DNAJC13: variants seen among roughly 807,000 people sequenced by gnomAD.
The protein encoded by DNAJC13 is dnaJ homolog subfamily C member 13.
In DNAJC13, 75 loss-of-function variants were observed where a neutral mutation model predicts 290.5. The observed-to-expected ratio is 0.26, with a 90% CI of 0.21 to 0.31. The LOEUF is 0.31. Ranked by LOEUF, DNAJC13 falls within the 10% of genes least tolerant of loss-of-function variation. The probability of loss-of-function intolerance (pLI) is 1.00; values close to 1 mark genes in which losing one functional copy is unlikely to be tolerated. For missense variants in DNAJC13, 2,260 were observed against 2,674.5 expected, an observed-to-expected ratio of 0.85 and a Z score of 3.42; for synonymous variants, 862 against 892.0, an observed-to-expected ratio of 0.97 and a Z score of 0.60.
rs1253760620 is a variant in DNAJC13, at chr3:132,538,051, G to A, written c.6626-125G>A. On this transcript the variant is annotated intron_variant, in intron 55 of 55. Coordinates refer to ENST00000260818, the MANE Select transcript of DNAJC13 (RefSeq NM_015268.4). The stretch of plus-strand genomic sequence containing the variant: ...TTATTAAGGTATAGATGTAATTTAG[G>A]TAATTGAAATAGATGATTAGTTTTG... The A allele has an allele frequency of 4.6e-5, 30 of 658,736 alleles. No homozygotes were observed. In the East Asian group the frequency reaches 6.8e-4, roughly 15 times the overall value. The allele number at this position is 658,736 out of a possible 1,614,324, so 40.8% of individuals were successfully genotyped here.
At chr3:132,538,134 G>T (rs1434630043) in intron 55 of DNAJC13, 42 bp from the exon 56 acceptor site, 1 of 1,542,938 alleles carries the variant, frequency 6.5e-7, no homozygotes, top group Non-Finnish European at 8.9e-7. Flanking sequence ...GTTTTCACTT[G>T]ACTGCTTTCT....
intron 34 of DNAJC13, 61 bp downstream of exon 34, chr3:132,494,320 A>G: frequency 8.3e-7 from 1 of 1,208,336 alleles, no homozygotes; most frequent in Non-Finnish European, 1.2e-6. Flanking sequence ...AGTATCAAAG[A>G]CTAAGTTATA....
chr3:132,469,150 C>T (rs1934099917), intron 20 of DNAJC13, among the ~76,000 whole-genome samples: 1 of 152,190 alleles, frequency 6.6e-6, no homozygotes, highest in Non-Finnish European at 1.5e-5. Context: ...AATGGCTTAT[C>T]CCCTTTCTGC....
At chr3:132,459,615 A>G (rs1161346130) in intron 13 of DNAJC13, among the ~76,000 whole-genome samples, 1 of 152,192 alleles carries the variant, frequency 6.6e-6, no homozygotes, top group Non-Finnish European at 1.5e-5. Flanking sequence ...AAAAGTAAGA[A>G]ACAATGCTAT....
chr3:132,447,775 A>T (rs1933299275), intron 4 of DNAJC13, 123 bp from the exon 5 acceptor site: 3 of 775,014 alleles, frequency 3.9e-6, no homozygotes, highest in Non-Finnish European at 6.5e-6. Flanking sequence ...CTATAACTTG[A>T]ATAACAGTTT....
rs144459190 is a variant in DNAJC13 at position 132,500,069 on chromosome 3, G to A, written c.4416+261G>A. 1.2e-3 allele frequency among the ~76,000 whole-genome samples: 181 copies of A among 152,286 alleles called. 1 individual carries two copies. Among genetic ancestry groups the A allele is most frequent in the African/African-American group, 4.2e-3 (174 of 41,558 alleles). Reference sequence around the variant, plus strand: ...AAGCACTTGTGATCTGTTGGCTTACGTTTTCTTTCTTAGAGAATAGTTTAT... The same window carrying A: ...AAGCACTTGTGATCTGTTGGCTTACATTTTCTTTCTTAGAGAATAGTTTAT... On this transcript the variant is annotated intron_variant, in intron 38 of 55. Coordinates refer to ENST00000260818, the MANE Select transcript of DNAJC13 (RefSeq NM_015268.4).
chr3:132,497,440 G>T (rs1935269006), intron 36 of DNAJC13, among the ~76,000 whole-genome samples: 1 of 152,142 alleles, frequency 6.6e-6, no homozygotes, highest in Admixed American at 6.5e-5. Context: ...GGACTTTCAG[G>T]ATTTGAGATA....
intron 1 of DNAJC13, among the ~76,000 whole-genome samples, chr3:132,423,018 AT>A (rs1939002002): frequency 6.6e-6 from 1 of 152,188 alleles, no homozygotes; most frequent in Admixed American, 6.5e-5. Context: ...ATCCAGAATT[AT>A]TTTAGCTGGG....
chr3:132,440,794 G>A (rs551258087), intron 2 of DNAJC13, among the ~76,000 whole-genome samples: 1 of 152,336 alleles, frequency 6.6e-6, no homozygotes, highest in Non-Finnish European at 1.5e-5. Flanking sequence ...AGCAACGCAT[G>A]ACTGTATGTA....
At chr3:132,537,980 C>G (rs561730106) in intron 55 of DNAJC13, among the ~76,000 whole-genome samples, 196 bp from the exon 56 acceptor site, 1 of 152,318 alleles carries the variant, frequency 6.6e-6, no homozygotes, top group African/African-American at 2.4e-5. Context: ...GAAATGATTT[C>G]TAGTCTATAG....
intron 5 of DNAJC13, among the ~76,000 whole-genome samples, chr3:132,449,436 G>A (rs932941231): frequency 3.9e-5 from 6 of 152,254 alleles, no homozygotes; most frequent in African/African-American, 1.2e-4. Flanking sequence ...TTTGTGCCCT[G>A]CCTTCTCCCA....
intron 20 of DNAJC13, among the ~76,000 whole-genome samples, chr3:132,467,753 C>T (rs1934050269): frequency 6.6e-6 from 1 of 152,160 alleles, no homozygotes; most frequent in Admixed American, 6.5e-5. Context: ...GCGTGAGCCA[C>T]CGCACCCGGC....
rs1935870443 is a variant in DNAJC13, at chr3:132,514,673, A to G, written c.5485+3A>G. On this transcript the variant is annotated splice_donor_region_variant and intron_variant, in intron 46 of 55. Coordinates refer to ENST00000260818, the MANE Select transcript of DNAJC13 (RefSeq NM_015268.4). The stretch of plus-strand genomic sequence containing the variant: ...TCTTCTACATTCATTGCCATCAAGT[A>G]TGTATACAGATGGAATTTTGGAAAC... The G allele has an allele frequency of 3.1e-6, 5 of 1,601,724 alleles. No individual in the cohort carries two copies. Among genetic ancestry groups the G allele is most frequent in the East Asian group, 4.5e-5 (2 of 44,626 alleles).
rs929942166 is a variant in DNAJC13, at chr3:132,457,233, G to A, written c.1350-36G>A. The A allele has an allele frequency of 6.3e-6, 9 of 1,423,526 alleles. No individual in the cohort carries two copies. The Admixed American group carries it at 1.2e-4, about 19-fold the overall frequency. The allele number at this position is 1,423,526 out of a possible 1,614,324, so 88.2% of individuals were successfully genotyped here. ...TAATATAACAATTTAAAATGTTCTGGTATTGCTAGTATATGCTTGTTTTTT... is the reference window on the plus strand; with the variant it reads ...TAATATAACAATTTAAAATGTTCTGATATTGCTAGTATATGCTTGTTTTTT... On this transcript the variant is annotated intron_variant, in intron 12 of 55. Transcript: ENST00000260818.
Position 132,507,358 on chromosome 3 carries a change from G to A in DNAJC13, c.5115+5G>A. The A allele has an allele frequency of 6.7e-7, 1 of 1,499,514 alleles. No individual in the cohort carries two copies. Among genetic ancestry groups the A allele is most frequent in the South Asian group, 1.1e-5 (1 of 87,442 alleles). 92.9% of individuals were successfully genotyped at this position (1,499,514 alleles called of 1,614,324 possible). ...GTTCCTACTTTCCAACTGGAGGTAA[G>A]CTCTCTGCTTTTAATTTTACCTGAT... is the stretch of plus-strand genomic sequence containing the variant. On this transcript the variant is annotated splice_donor_5th_base_variant and intron_variant, in intron 43 of 55. Coordinates refer to ENST00000260818, the MANE Select transcript of DNAJC13 (RefSeq NM_015268.4).
intron 38 of DNAJC13, among the ~76,000 whole-genome samples, chr3:132,500,457 T>C (rs1935373065): frequency 1.3e-5 from 2 of 152,212 alleles, no homozygotes; most frequent in African/African-American, 4.8e-5. Context: ...ATATGAGTCT[T>C]TCAGGCTTCA....
chr3:132,447,843 C>T, intron 4 of DNAJC13, 55 bp from the exon 5 acceptor site: 1 of 1,465,842 alleles, frequency 6.8e-7, no homozygotes, highest in Non-Finnish European at 9.5e-7. Flanking sequence ...GGGAGTGAGC[C>T]AAGTTTTCCT....
intron 2 of DNAJC13, among the ~76,000 whole-genome samples, chr3:132,446,231 AT>A (rs1933240170): frequency 6.6e-6 from 1 of 151,990 alleles, no homozygotes; most frequent in African/African-American, 2.4e-5. Context: ...TTGCTTGCAT[AT>A]AAATCATACT....
chr3:132,532,877 A>G (rs1936458735), intron 55 of DNAJC13, among the ~76,000 whole-genome samples: 1 of 145,836 alleles, frequency 6.9e-6, no homozygotes, highest in Non-Finnish European at 1.5e-5. Flanking sequence ...AGCTGGCATT[A>G]TAGGCTTGCA....
Sources: gnomAD v4.1 joint callset for allele counts (sites outside exome capture counted in the v4.1 genomes callset) on GRCh38, gnomAD v4.1.1 for gene constraint, MANE v1.5 for transcripts, NCBI Gene and HGNC (gene_info 2026-07-23, HGNC 2026-07-21) for gene names.